MED23: variants seen among roughly 807,000 people sequenced by gnomAD.
MED23 encodes mediator complex subunit 23, also known as mediator of RNA polymerase II transcription subunit 23.
In MED23, 105 loss-of-function variants were observed where a neutral mutation model predicts 163.9. The observed-to-expected ratio is 0.64, with a 90% CI of 0.55 to 0.75. The LOEUF is 0.75. Among genes scored for constraint, MED23 ranks in the 30% least tolerant of loss-of-function variants. The pLI is 0.00. For synonymous variants in MED23, 561 were observed against 565.6 expected (o/e 0.99, Z 0.12); for missense variants, 1,054 against 1,649.0 (o/e 0.64, Z 6.25).
Position 131,606,590 on chromosome 6 carries a change from G to A in MED23, c.1256C>T (p.Ser419Leu). The A allele has an allele frequency of 1.2e-6, 2 of 1,612,978 alleles. No homozygotes were observed. Among genetic ancestry groups the A allele is most frequent in the Non-Finnish European group, 8.5e-7 (1 of 1,179,122 alleles). Residue 419 changes from serine to leucine, a missense_variant, in exon 13 of 29, where the codon TCA becomes TTA. Transcript: ENST00000368068. ...ACAGGTCATTGCAAAGGCATGGGTT[G>A]ACTGGGGTTTGTTAATATCAGGAAC... The part of the protein sequence containing the change: ...IPVPDINKPQ[S>L]THAFAMTCIW...
chr6:131,598,260 T>C lies in MED23; in HGVS notation c.2607+27A>G. 1 of 1,597,990 alleles carries C rather than the reference T, an allele frequency of 6.3e-7. No individual in the cohort carries two copies. On this transcript the variant is annotated intron_variant, in intron 20 of 28. Coordinates refer to ENST00000368068, the MANE Select transcript of MED23 (RefSeq NM_004830.4). This position sits in a 1 kb window ranked among gnomAD's most constrained non-coding sequence, Gnocchi z 4.7. The stretch of plus-strand genomic sequence containing the variant: ...AGTCATACATCTTGATCTAAGAGAA[T>C]AAGCTTAGAAATGTATTTATTCTTA...
chr6:131,577,882 C>T (rs990427212), intron 30 of MED23, among the ~76,000 whole-genome samples: 17 of 142,756 alleles, frequency 1.2e-4, no homozygotes, highest in African/African-American at 3.9e-4. Context: ...CCAACCTGGG[C>T]GACAGAGCGA....
chr6:131,611,592 G>C (rs1242264327), intron 10 of MED23, among the ~76,000 whole-genome samples: 4 of 152,102 alleles, frequency 2.6e-5, no homozygotes, highest in African/African-American at 9.7e-5. Context: ...CAAAACTACT[G>C]TGTACAGGGC....
At position 131,605,501 on chromosome 6, in the gene MED23, C is replaced by T; in HGVS notation, c.1368-16G>A. 6.5e-7 allele frequency: 1 copy of T among 1,540,404 alleles called. No individual in the cohort carries two copies. Among genetic ancestry groups the T allele is most frequent in the Non-Finnish European group, 8.7e-7 (1 of 1,147,094 alleles). ...CTGCAGGAACCTAAATATTCACGTT[C>T]CATTAAAAAGAAAAAATGAAAATAA... On this transcript the variant is annotated splice_polypyrimidine_tract_variant and intron_variant, in intron 13 of 28. Transcript: ENST00000368068.
Position 131,608,090 on chromosome 6 carries a change from T to C in MED23, c.1078-19A>G, listed in dbSNP as rs1421536151. 5.0e-6 allele frequency: 8 copies of C among 1,612,518 alleles called. No individual in the cohort carries two copies. The highest frequency in any genetic ancestry group is 3.3e-4 in the Middle Eastern group (2 of 6,078). ...CTGCTAACTATAAAAGATGTTTAAA[T>C]ACACATGTATACACTGCTACTTAAA... On this transcript the variant is annotated intron_variant, in intron 11 of 28. Transcript: ENST00000368068.
chr6:131,597,492 A>G (rs978000223), intron 20 of MED23, among the ~76,000 whole-genome samples: 21 of 140,700 alleles, frequency 1.5e-4, no homozygotes, highest in Non-Finnish European at 2.7e-4. Context: ...AAAAAAAAAA[A>G]AAAAAGAAAA....
intron 3 of MED23, among the ~76,000 whole-genome samples, chr6:131,625,407 T>C (rs530492931): frequency 2.0e-4 from 30 of 152,262 alleles, no homozygotes; most frequent in African/African-American, 7.2e-4. Context: ...TAGGTGTGAA[T>C]CCAATCCCTA....
chr6:131,579,846 A>ATG (rs1161893412), intron 30 of MED23, among the ~76,000 whole-genome samples: 16 of 149,364 alleles, frequency 1.1e-4, no homozygotes, highest in South Asian at 4.2e-4. Flanking sequence ...GTGTGTGTGT[A>ATG]TGTGTGTGTG....
At chr6:131,585,649 A>C (rs1774150460), downstream of MED23, among the ~76,000 whole-genome samples, 1 of 152,214 alleles carries the variant, frequency 6.6e-6, no homozygotes, top group Admixed American at 6.5e-5. Context: ...CAGGTAAAGA[A>C]CATTTCCATC....
At chr6:131,625,856 C>A (rs1777449659) in intron 3 of MED23, among the ~76,000 whole-genome samples, 1 of 152,040 alleles carries the variant, frequency 6.6e-6, no homozygotes, top group Non-Finnish European at 1.5e-5. Context: ...GGCGCGGTGG[C>A]TCATGCCTGT....
At chr6:131,602,190 G>T in intron 17 of MED23, 28 bp downstream of exon 17, 2 of 1,607,986 alleles carry the variant, frequency 1.2e-6, no homozygotes, top group Non-Finnish European at 1.7e-6. Flanking sequence ...TTCATCTGTT[G>T]TTGTTTGTAG....
chr6:131,590,277 C>T (rs754103806), intron 27 of MED23, 45 bp downstream of exon 27: 1 of 1,562,692 alleles, frequency 6.4e-7, no homozygotes, highest in Admixed American at 1.7e-5. Flanking sequence ...TAAATAGATA[C>T]TTCAGAATTT....
At chr6:131,607,836 G>C in intron 12 of MED23, 92 bp downstream of exon 12, 1 of 1,404,282 alleles carries the variant, frequency 7.1e-7, no homozygotes, top group Non-Finnish European at 1.0e-6. Context: ...ATAAACTTTA[G>C]AAATACACAA....
At position 131,596,078 on chromosome 6, in the gene MED23, T is replaced by C. The variant is rs183483337; in HGVS notation, c.2864A>G (p.Tyr955Cys). The change falls in exon 22 of 29, where the codon TAT becomes TGT. Residue 955 changes from tyrosine to cysteine, a missense_variant. By Grantham distance (194) the Tyr-to-Cys change is radical. Coordinates refer to ENST00000368068, the MANE Select transcript of MED23 (RefSeq NM_004830.4). ...GAATCGAAGACACACATTCCCAAAA[T>C]AGATGGGCAGATAGGGAGACTGGAT... is the stretch of plus-strand genomic sequence containing the variant. ...VQIQSPYLPI[Y>C]FGNVCLRFLP... is the part of the protein sequence containing the mutation. The C allele has an allele frequency of 5.0e-6, 8 of 1,614,064 alleles. No individual in the cohort carries two copies. Among genetic ancestry groups the C allele is most frequent in the South Asian group, 1.1e-5 (1 of 91,066 alleles).
rs765888208 is a variant in MED23 at position 131,618,525 on chromosome 6, T to C, written c.668-6A>G. On this transcript the variant is annotated splice_polypyrimidine_tract_variant and splice_region_variant and intron_variant, in intron 8 of 28. Transcript: ENST00000368068. ...TGGCAGAAGACTACAGCGACCTGTA[T>C]GTATTACAAAAATGTTTTTAAGTAA... The C allele has an allele frequency of 6.3e-7, 1 of 1,596,836 alleles. No homozygotes were observed. Among genetic ancestry groups the C allele is most frequent in the African/African-American group, 1.3e-5 (1 of 74,504 alleles).
At chr6:131,615,816 T>A (rs781314518) in intron 10 of MED23, 91 bp downstream of exon 10, 5 of 887,584 alleles carry the variant, frequency 5.6e-6, no homozygotes, top group Non-Finnish European at 9.4e-6. Context: ...AGTTCTTAAC[T>A]GTTTTGCTCA....
Position 131,576,697 on chromosome 6 carries a change from TG to T in MED23, c.4096-2403del, listed in dbSNP as rs755975244. On this transcript the variant is annotated intron_variant, in intron 30 of 30. Coordinates refer to the MED23 transcript ENST00000354577. ...GGGGTGGAAGAAGGCCCTACAGTAT[TG>T]AGAAAGGCTGGTCTGCTTGAGAAAC... is the stretch of plus-strand genomic sequence containing the variant. 1.9e-6 allele frequency: 3 copies of T among 1,614,084 alleles called. No homozygotes were observed. In the South Asian group the frequency reaches 3.3e-5, roughly 18 times the overall value.
At chr6:131,608,528 T>C (rs1187428979) in intron 11 of MED23, among the ~76,000 whole-genome samples, 1 of 152,100 alleles carries the variant, frequency 6.6e-6, no homozygotes, top group Non-Finnish European at 1.5e-5. Context: ...AAAACATGCT[T>C]CCTCATTTTC....
chr6:131,596,110 A>G lies in MED23; in HGVS notation c.2832T>C (p.Pro944=). The G allele has an allele frequency of 6.2e-7, 1 of 1,614,182 alleles. No individual in the cohort carries two copies. The highest frequency in any genetic ancestry group is 1.1e-5 in the South Asian group (1 of 91,084). ...GCAGATAGGGAGACTGGATCTGTAC[A>G]GGAGGATCCACCTGTTCCGCGAGGC... is the stretch of plus-strand genomic sequence containing the variant. ...FEGLAEQVDP[P]VQIQSPYLPI... is the part of the protein sequence containing the mutation. Residue 944 remains proline, a synonymous_variant, in exon 22 of 29, where the codon CCT becomes CCC. Transcript: ENST00000368068.
Sources: allele counts gnomAD v4.1 joint callset (sites outside exome capture counted in the v4.1 genomes callset), GRCh38; gene constraint gnomAD v4.1.1; non-coding constraint Gnocchi (gnomAD v3.1); transcripts MANE v1.5; gene names NCBI Gene and HGNC (gene_info 2026-07-23, HGNC 2026-07-21).